The following SPARCL1 variants were observed in gnomAD, a reference collection of about 807,000 sequenced individuals.
The protein encoded by SPARCL1 is SPARC-like protein 1.
Under a neutral mutation model 67.1 loss-of-function variants are expected in SPARCL1, and 52 were observed. The observed-to-expected ratio is 0.78, with a 90% confidence interval of 0.62 to 0.98. The LOEUF is 0.98. Among genes scored for constraint, SPARCL1 ranks in the 50% least tolerant of loss-of-function variants. SPARCL1 has a pLI of 0.00. For synonymous variants in SPARCL1, 226 were observed against 267.8 expected (o/e 0.84, Z 1.52); for missense variants, 717 against 782.4 (o/e 0.92, Z 1.00).
intron 3 of SPARCL1, 87 bp from the exon 4 acceptor site, chr4:87,494,685 T>G (rs1309246738): frequency 9.3e-7 from 1 of 1,073,370 alleles, no homozygotes; most frequent in East Asian, 2.6e-5. Flanking sequence ...TCATTATTCT[T>G]TTTCTTCACA....
At chr4:87,490,676 A>C in intron 6 of SPARCL1, 84 bp downstream of exon 6, 2 of 995,142 alleles carry the variant, frequency 2.0e-6, no homozygotes, top group Middle Eastern at 2.2e-4. Flanking sequence ...TACCTTTTTT[A>C]AGCAAAAATT....
In SPARCL1 at chr4:87,494,235, C is replaced by T. The variant is rs201923671; in HGVS notation, c.565G>A (p.Gly189Arg). 1.8e-3 allele frequency: 2,901 copies of T among 1,614,038 alleles called. 50 individuals are homozygous for T. In the South Asian group the frequency reaches 0.022, roughly 12 times the overall value. ...SKHSQGLRDQ[G>R]NQEQDPNISN... The stretch of plus-strand genomic sequence containing the variant: ...ATATTTGGATCCTGCTCTTGGTTTC[C>T]TTGATCCCTTAGGCCTTGGCTATGT... The change falls in exon 4 of 11, where the codon GGA (glycine) becomes AGA (arginine). Residue 189 changes from glycine to arginine, a missense_variant. Coordinates refer to ENST00000282470, the MANE Select transcript of SPARCL1 (RefSeq NM_004684.6).
chr4:87,490,407 G>C lies in SPARCL1; in HGVS notation c.1411-14C>G. 6.3e-7 allele frequency: 1 copy of C among 1,594,810 alleles called. No individual in the cohort carries two copies. Among genetic ancestry groups the C allele is most frequent in the Non-Finnish European group, 8.5e-7 (1 of 1,174,176 alleles). ...AGTGCCACAAACCTATGGAAGATAAGTAGAAGAAAAAGCTGATAGAGCCAA... is the reference window on the plus strand; with the variant it reads ...AGTGCCACAAACCTATGGAAGATAACTAGAAGAAAAAGCTGATAGAGCCAA... On this transcript the variant is annotated splice_polypyrimidine_tract_variant and intron_variant, in intron 6 of 10. Transcript: ENST00000282470.
intron 1 of SPARCL1, among the ~76,000 whole-genome samples, chr4:87,524,480 A>G (rs920097420): frequency 6.6e-6 from 1 of 152,254 alleles, no homozygotes; most frequent in African/African-American, 2.4e-5. Flanking sequence ...TCCTCAGGAC[A>G]GGACCTTCAG....
chr4:87,490,144 C>T (rs1362854747), intron 7 of SPARCL1, 129 bp downstream of exon 7: 2 of 1,003,882 alleles, frequency 2.0e-6, no homozygotes, highest in South Asian at 2.3e-5. Context: ...TTAAGTTTCT[C>T]CAGTTGATAA....
intron 10 of SPARCL1, among the ~76,000 whole-genome samples, chr4:87,475,992 G>A (rs1002877234): frequency 6.6e-6 from 1 of 152,198 alleles, no homozygotes; most frequent in African/African-American, 2.4e-5. Flanking sequence ...CATCAGTGGT[G>A]GGCATGGTAG....
intron 1 of SPARCL1, among the ~76,000 whole-genome samples, chr4:87,504,147 G>GTC (rs1236763282): frequency 3.9e-5 from 4 of 103,680 alleles, no homozygotes; most frequent in Admixed American, 1.9e-4. Flanking sequence ...GTGTGTGTGT[G>GTC]TGTGTGTGTG....
chr4:87,509,792 T>C (rs1358710873), intron 1 of SPARCL1, among the ~76,000 whole-genome samples: 1 of 152,232 alleles, frequency 6.6e-6, no homozygotes, highest in Non-Finnish European at 1.5e-5. Context: ...TGTGCACGCA[T>C]GTGTGTATGT....
intron 1 of SPARCL1, among the ~76,000 whole-genome samples, chr4:87,521,538 C>T (rs1448911865): frequency 6.6e-6 from 1 of 152,144 alleles, no homozygotes; most frequent in East Asian, 1.9e-4. Flanking sequence ...TCTGAACCCT[C>T]CAGTCTGAAC....
chr4:87,476,666 T>C (rs1723597709), intron 10 of SPARCL1, among the ~76,000 whole-genome samples: 1 of 152,210 alleles, frequency 6.6e-6, no homozygotes, highest in Non-Finnish European at 1.5e-5. Context: ...ATGCATGGTA[T>C]GCATGGGCAC....
At chr4:87,491,962 A>C (rs1724365656) in intron 4 of SPARCL1, among the ~76,000 whole-genome samples, 1 of 140,092 alleles carries the variant, frequency 7.1e-6, no homozygotes. Context: ...CCCCAAAAAA[A>C]AAAAAATTAG....
intron 1 of SPARCL1, among the ~76,000 whole-genome samples, chr4:87,502,731 T>C (rs1724902608): frequency 6.6e-6 from 1 of 152,222 alleles, no homozygotes; most frequent in Admixed American, 6.5e-5. Context: ...TTCTCTAATG[T>C]CTGATGTATT....
In SPARCL1 at chr4:87,494,611, A is replaced by C; in HGVS notation, c.202-13T>G. 6.4e-7 allele frequency: 1 copy of C among 1,554,158 alleles called. No homozygotes were observed. The highest frequency in any genetic ancestry group is 8.6e-7 in the Non-Finnish European group (1 of 1,156,434). ...ATGATTTTTCAGCCTTAAAAGAAAA[A>C]AAAGTTCATTCTTCAAACAAATGAT... On this transcript the variant is annotated splice_polypyrimidine_tract_variant and intron_variant, in intron 3 of 10. Coordinates refer to ENST00000282470, the MANE Select transcript of SPARCL1 (RefSeq NM_004684.6).
intron 1 of SPARCL1, among the ~76,000 whole-genome samples, chr4:87,526,128 T>C (rs1039723263): frequency 2.0e-5 from 3 of 152,110 alleles, no homozygotes; most frequent in African/African-American, 7.2e-5. Flanking sequence ...GCATTTCTTC[T>C]CACTCTGTGT....
chr4:87,502,084 A>T (rs1416140960), intron 1 of SPARCL1, among the ~76,000 whole-genome samples: 1 of 151,988 alleles, frequency 6.6e-6, no homozygotes, highest in African/African-American at 2.4e-5. Flanking sequence ...GATTACAGGG[A>T]TGAGCCACTG....
intron 7 of SPARCL1, among the ~76,000 whole-genome samples, chr4:87,485,565 T>C (rs376300609): frequency 2.0e-5 from 3 of 150,648 alleles, no homozygotes; most frequent in South Asian, 4.4e-4. Context: ...GGTATCAGGA[T>C]GATGCTGGCC....
At chr4:87,517,466 A>G (rs1469072206) in intron 1 of SPARCL1, among the ~76,000 whole-genome samples, 1 of 152,164 alleles carries the variant, frequency 6.6e-6, no homozygotes, top group Non-Finnish European at 1.5e-5. Flanking sequence ...TAGTAAGACA[A>G]TACACCTTTT....
Position 87,494,177 on chromosome 4 carries a change from G to T in SPARCL1, c.623C>A (p.Pro208Gln). Residue 208 changes from proline to glutamine, a missense_variant, in exon 4 of 11, where the codon CCA becomes CAA. Coordinates refer to ENST00000282470, the MANE Select transcript of SPARCL1 (RefSeq NM_004684.6). ...ATCATTGTGGGTACCAACTTCACCT[G>T]GCTCTTTTTCTTCTTCCTCTTCTCC... ...SNGEEEEEKE[P>Q]GEVGTHNDNQ... is the part of the protein sequence containing the mutation. 3 of 1,613,818 alleles carry T rather than the reference G, an allele frequency of 1.9e-6. No homozygotes were observed. Among genetic ancestry groups the T allele is most frequent in the Non-Finnish European group, 2.5e-6 (3 of 1,180,008 alleles).
chr4:87,477,683 A>G (rs1366225026), intron 10 of SPARCL1, among the ~76,000 whole-genome samples: 1 of 152,184 alleles, frequency 6.6e-6, no homozygotes, highest in Non-Finnish European at 1.5e-5. Context: ...TGGGCTTAGA[A>G]GTAGACCCTT....
Sources: gnomAD v4.1 joint callset for allele counts (sites outside exome capture counted in the v4.1 genomes callset) on GRCh38, gnomAD v4.1.1 for gene constraint, MANE v1.5 for transcripts, NCBI Gene and HGNC (gene_info 2026-07-23, HGNC 2026-07-21) for gene names.